The following FANCD2 variants were observed in gnomAD, a reference collection of about 807,000 sequenced individuals.
FANCD2 encodes the protein Fanconi anemia group D2 protein.
In FANCD2, 131 loss-of-function variants were observed where a neutral mutation model predicts 192.3. The ratio of observed to expected loss-of-function variants is 0.68; its 90% CI spans 0.59 to 0.79. The LOEUF is 0.79. Ranked by LOEUF, FANCD2 falls within the 30% of genes least tolerant of loss-of-function variation. The probability of loss-of-function intolerance (pLI) is 0.00; values close to 1 mark genes in which losing one functional copy is unlikely to be tolerated. For missense variants in FANCD2, 1,508 were observed against 1,701.6 expected (o/e 0.89, Z 2.00); for synonymous variants, 524 against 612.5 (o/e 0.86, Z 2.13).
intron 34 of FANCD2, among the ~76,000 whole-genome samples, chr3:10,087,670 CAG>C (rs1694301441): frequency 6.0e-5 from 9 of 151,234 alleles, no homozygotes; most frequent in Admixed American, 4.6e-4. Context: ...TTTTTTGAGA[CAG>C]AGTCTCGTTC....
intron 29 of FANCD2, among the ~76,000 whole-genome samples, chr3:10,076,564 A>G (rs886645561): frequency 6.6e-6 from 1 of 152,036 alleles, no homozygotes; most frequent in Non-Finnish European, 1.5e-5. Context: ...CTTTTTAGAG[A>G]CAGAGTCTTG....
rs2125030270 is a variant in FANCD2 at position 10,062,358 on chromosome 3, A to G, written c.1827+147A>G. 4.5e-6 allele frequency: 3 copies of G among 666,120 alleles called. No homozygotes were observed. In the East Asian group the frequency reaches 8.7e-5, roughly 19 times the overall value. 41.3% of individuals were successfully genotyped at this position (666,120 alleles called of 1,614,324 possible). ...CAGGTTCAAGTGATTCTCCTGCCTC[A>G]GCCTCCAGAGTAGCTGGGATTACAG... On this transcript the variant is annotated intron_variant, in intron 20 of 43. Coordinates refer to ENST00000675286, the MANE Select transcript of FANCD2 (RefSeq NM_001018115.3).
chr3:10,077,855 C>A (rs1693618416), intron 29 of FANCD2, among the ~76,000 whole-genome samples: 1 of 151,738 alleles, frequency 6.6e-6, no homozygotes, highest in South Asian at 2.1e-4. Flanking sequence ...TATAGTGAGA[C>A]CTCATTTCTT....
chr3:10,057,318 A>T (rs1327945188), intron 18 of FANCD2, among the ~76,000 whole-genome samples: 3 of 151,538 alleles, frequency 2.0e-5, no homozygotes, highest in Non-Finnish European at 4.4e-5. Flanking sequence ...TAAAGTATTT[A>T]GTTTCAATAA....
chr3:10,053,623 GAAAAA>G (rs562980879), intron 18 of FANCD2, among the ~76,000 whole-genome samples: 1 of 142,612 alleles, frequency 7.0e-6, no homozygotes, highest in African/African-American at 2.6e-5. Context: ...AAATTTGCTA[GAAAAA>G]AAAAAACAAG....
intron 29 of FANCD2, 33 bp downstream of exon 29, chr3:10,074,706 C>A: frequency 6.2e-7 from 1 of 1,608,356 alleles, no homozygotes; most frequent in Non-Finnish European, 8.5e-7. Context: ...AGAATTTAAT[C>A]TTCTTTCAGA....
chr3:10,050,462 A>C (rs2087164639), intron 17 of FANCD2, among the ~76,000 whole-genome samples: 1 of 151,854 alleles, frequency 6.6e-6, no homozygotes, highest in African/African-American at 2.4e-5. Context: ...GTCTCTACTA[A>C]AAATACAAAA....
intron 6 of FANCD2, 114 bp from the exon 7 acceptor site, chr3:10,036,173 G>A: frequency 2.7e-6 from 2 of 747,430 alleles, no homozygotes; most frequent in East Asian, 5.6e-5. Context: ...TGCAATCTCT[G>A]CCTTCCCCAG....
intron 5 of FANCD2, 99 bp from the exon 6 acceptor site, chr3:10,035,074 T>A (rs1046447330): frequency 9.9e-7 from 1 of 1,007,840 alleles, no homozygotes; most frequent in African/African-American, 1.6e-5. Context: ...TAGTTCCTCT[T>A]TAAATATTAT....
At chr3:10,089,078 GT>G (rs1256378019) in intron 36 of FANCD2, 128 bp downstream of exon 36, 32 of 1,044,090 alleles carry the variant, frequency 3.1e-5, no homozygotes, top group Non-Finnish European at 4.5e-5. Context: ...GAGGTCAGGA[GT>G]TTTGAGACCC....
intron 2 of FANCD2, among the ~76,000 whole-genome samples, chr3:10,031,751 G>C (rs960110808): frequency 2.0e-5 from 3 of 152,138 alleles, no homozygotes; most frequent in African/African-American, 4.8e-5. Flanking sequence ...AATTTGGTGT[G>C]TATCAGGATT....
chr3:10,039,406 A>G (rs759916810), intron 8 of FANCD2, 49 bp downstream of exon 8: 1 of 1,453,742 alleles, frequency 6.9e-7, no homozygotes, highest in African/African-American at 1.4e-5. Flanking sequence ...TGTTTCTCAT[A>G]TCTTTTGGAG....
intron 37 of FANCD2, 40 bp from the exon 38 acceptor site, chr3:10,092,141 G>A (rs1416210959): frequency 7.6e-7 from 1 of 1,307,236 alleles, no homozygotes; most frequent in South Asian, 1.2e-5. Flanking sequence ...GGAAGTATTT[G>A]GCTGTGACTC....
chr3:10,053,523 A>G (rs1192853132), intron 18 of FANCD2, among the ~76,000 whole-genome samples: 1 of 143,088 alleles, frequency 7.0e-6, no homozygotes, highest in African/African-American at 2.8e-5. Context: ...AACTTACAGT[A>G]TAATAATAAT....
chr3:10,031,501 C>CAAAAAA (rs796241281), intron 2 of FANCD2, among the ~76,000 whole-genome samples: 1 of 87,110 alleles, frequency 1.1e-5, no homozygotes, highest in Non-Finnish European at 2.5e-5. Context: ...GACTCCATTT[C>CAAAAAA]AAAAAAAAAA....
In FANCD2 at chr3:10,101,286, T is replaced by TTCTG. The variant is rs1270513470; in HGVS notation, c.*26_*29dup. On this transcript the variant is annotated 3_prime_UTR_variant, in exon 44 of 44. Transcript: ENST00000675286. Reference sequence around the variant, plus strand: ...AGACCCCAGATAAATTGTTGCCTGCTTCTGTGTCTCTGCCAGCCTGTGATC... The same window carrying TTCTG: ...AGACCCCAGATAAATTGTTGCCTGCTTCTGTCTGTGTCTCTGCCAGCCTGTGATC... 1 of 1,540,548 alleles carries TTCTG rather than the reference T, an allele frequency of 6.5e-7. No individual in the cohort carries two copies. The highest frequency in any genetic ancestry group is 1.4e-5 in the African/African-American group (1 of 73,860).
intron 30 of FANCD2, among the ~76,000 whole-genome samples, chr3:10,079,973 G>A (rs1261882762): frequency 6.6e-6 from 1 of 150,942 alleles, no homozygotes; most frequent in Non-Finnish European, 1.5e-5. Context: ...GGAGTGCAGT[G>A]GCTTGATCTT....
intron 2 of FANCD2, among the ~76,000 whole-genome samples, chr3:10,030,097 T>A (rs62245504): frequency 8.0e-3 from 133 of 16,720 alleles, no homozygotes; most frequent in African/African-American, 0.022. Flanking sequence ...CATTATATCA[T>A]TTTTTTTTTT....
At chr3:10,033,078 C>T (rs1049440936) in intron 3 of FANCD2, 106 bp downstream of exon 3, 4 of 992,466 alleles carry the variant, frequency 4.0e-6, no homozygotes, top group Non-Finnish European at 6.3e-6. Context: ...ATCAGAGGGC[C>T]ATCCATCTTG....
Sources: gnomAD v4.1 joint callset for allele counts (sites outside exome capture counted in the v4.1 genomes callset) on GRCh38, gnomAD v4.1.1 for gene constraint, MANE v1.5 for transcripts, NCBI Gene and HGNC (gene_info 2026-07-23, HGNC 2026-07-21) for gene names.